The following SLK variants were observed in gnomAD, a reference collection of about 807,000 sequenced individuals.
The protein encoded by SLK is STE20-like serine/threonine-protein kinase.
Under a neutral mutation model 147.7 loss-of-function variants are expected in SLK, and 67 were observed. The ratio of observed to expected loss-of-function variants is 0.45; its 90% CI spans 0.37 to 0.56. SLK has a LOEUF of 0.56. Among genes scored for constraint, SLK ranks in the 20% least tolerant of loss-of-function variants. SLK has a pLI of 0.00. For synonymous variants in SLK, 441 were observed against 475.0 expected, an observed-to-expected ratio of 0.93 and a Z score of 0.93; for missense variants, 1,136 against 1,438.8, an observed-to-expected ratio of 0.79 and a Z score of 3.41.
chr10:104,009,556 G>C (rs921092106), intron 12 of SLK, among the ~76,000 whole-genome samples: 1 of 152,000 alleles, frequency 6.6e-6, no homozygotes, highest in Non-Finnish European at 1.5e-5. Context: ...TAGAATTGCT[G>C]TATATACTGT....
Position 104,025,558 on chromosome 10 carries a change from T to C in SLK, c.3562-16T>C, listed in dbSNP as rs1331281977. ...ATACCAGCACATAGCAATTTCTTTT[T>C]CCCTTTCTTTTTAAGACACTGGAAG... On this transcript the variant is annotated splice_polypyrimidine_tract_variant and intron_variant, in intron 18 of 18. Coordinates refer to ENST00000369755, the MANE Select transcript of SLK (RefSeq NM_014720.4). 1.9e-6 allele frequency: 3 copies of C among 1,612,068 alleles called. No homozygotes were observed. The highest frequency in any genetic ancestry group is 1.3e-5 in the African/African-American group (1 of 74,790).
At chr10:103,976,872 A>G (rs761399332) in intron 1 of SLK, among the ~76,000 whole-genome samples, 3 of 152,200 alleles carry the variant, frequency 2.0e-5, no homozygotes, top group Admixed American at 6.5e-5. Flanking sequence ...CTTAATATGT[A>G]TGGCTTTTTG....
chr10:103,990,385 G>C (rs1232951158), intron 1 of SLK, among the ~76,000 whole-genome samples: 4 of 152,270 alleles, frequency 2.6e-5, no homozygotes, highest in Admixed American at 1.3e-4. Flanking sequence ...TATCACTCTG[G>C]TGTGCAGTGT....
intron 17 of SLK, 22 bp downstream of exon 17, chr10:104,020,635 G>A (rs780196121): frequency 6.2e-7 from 1 of 1,604,666 alleles, no homozygotes. Context: ...AAGCCTGACA[G>A]CAAAGCCCAT....
chr10:103,996,786 G>C (rs1844181235), intron 4 of SLK, among the ~76,000 whole-genome samples: 2 of 152,096 alleles, frequency 1.3e-5, no homozygotes, highest in Admixed American at 1.3e-4. Context: ...CTGAGCATTT[G>C]TTTGTTCCCT....
chr10:103,987,382 C>T (rs936318357), intron 1 of SLK, among the ~76,000 whole-genome samples: 10 of 152,000 alleles, frequency 6.6e-5, no homozygotes, highest in East Asian at 1.9e-4. Flanking sequence ...TTAGTGGCTG[C>T]GTCATTTTTC....
Position 103,999,289 on chromosome 10 carries a change from C to G in SLK, c.758C>G (p.Pro253Arg). Residue 253 changes from proline (P) to arginine (R), a missense_variant, in exon 6 of 19, where the codon CCT (proline) becomes CGT (arginine). Around this residue, in one of 6 missense-constraint regions of SLK, gnomAD observed 141 missense variants for 219.3 expected, o/e 0.64. Transcript: ENST00000369755. ...CTAAAAATAGCAAAATCTGAGCCACCTACATTAGCACAGCCATCCAGATGG... is the reference window on the plus strand; with the variant it reads ...CTAAAAATAGCAAAATCTGAGCCACGTACATTAGCACAGCCATCCAGATGG... ...VLLKIAKSEPPTLAQPSRWSS... is the reference protein window; with the variant it reads ...VLLKIAKSEPRTLAQPSRWSS... 1 of 1,611,924 alleles carries G rather than the reference C, an allele frequency of 6.2e-7. No homozygotes were observed. Among genetic ancestry groups the G allele is most frequent in the Non-Finnish European group, 8.5e-7 (1 of 1,179,180 alleles).
At position 103,967,640 on chromosome 10, in the gene SLK, C is replaced by A; in HGVS notation, c.-106C>A. On this transcript the variant is annotated 5_prime_UTR_variant, in exon 1 of 19. Coordinates refer to ENST00000369755, the MANE Select transcript of SLK (RefSeq NM_014720.4). ...GAGCTGCGGGGGCCGAGGGACGCCG[C>A]GCCCGCCGCCGCCAGCCGGGCTCGC... The A allele has an allele frequency of 3.9e-6, 4 of 1,026,594 alleles. No homozygotes were observed. The highest frequency in any genetic ancestry group is 5.2e-6 in the Non-Finnish European group (4 of 771,202). 63.6% of individuals were successfully genotyped at this position (1,026,594 alleles called of 1,614,324 possible). A position where few individuals can be genotyped will look rare whatever the true frequency, so the allele number is the denominator to read the frequency against.
intron 14 of SLK, 133 bp downstream of exon 14, chr10:104,018,422 G>A (rs1844492343): frequency 1.2e-6 from 1 of 826,794 alleles, no homozygotes; most frequent in Non-Finnish European, 1.9e-6. Flanking sequence ...ATAATTTTGT[G>A]TACTCATTAT....
intron 1 of SLK, among the ~76,000 whole-genome samples, chr10:103,970,200 T>C (rs1843774279): frequency 6.6e-6 from 1 of 152,210 alleles, no homozygotes; most frequent in Non-Finnish European, 1.5e-5. Context: ...TTAGAGCTCA[T>C]AGATGCAAAC....
chr10:104,018,900 C>A lies in SLK; in HGVS notation c.3124C>A (p.His1042Asn). 1.3e-6 allele frequency: 2 copies of A among 1,583,726 alleles called. No individual in the cohort carries two copies. Among genetic ancestry groups the A allele is most frequent in the South Asian group, 1.2e-5 (1 of 85,166 alleles). Reference protein sequence around the residue: ...FMQRHQLLKRHEKETEQMQRY... With the variant: ...FMQRHQLLKRNEKETEQMQRY... The stretch of plus-strand genomic sequence containing the variant: ...GCAAAGACATCAGCTACTTAAGCGC[C>A]ACGAGAAGGTTAATGAAAGGAAAAT... Residue 1042 changes from histidine to asparagine, a missense_variant, in exon 15 of 19, where the codon CAC becomes AAC. By Grantham distance (68) the His-to-Asn change is moderately conservative (BLOSUM62 1). Around this residue, in one of 6 missense-constraint regions of SLK, gnomAD observed 327 missense variants for 457.5 expected, o/e 0.71. Transcript: ENST00000369755.
chr10:103,984,701 A>T (rs1843990290), intron 1 of SLK, among the ~76,000 whole-genome samples: 1 of 152,216 alleles, frequency 6.6e-6, no homozygotes, highest in African/African-American at 2.4e-5. Flanking sequence ...GGCATGAGCC[A>T]CCGCGCTCAG....
intron 7 of SLK, 23 bp from the exon 8 acceptor site, chr10:104,001,421 A>G (rs1286176007): frequency 6.2e-7 from 1 of 1,600,234 alleles, no homozygotes; most frequent in African/African-American, 1.3e-5. Context: ...GTTGTTGAGT[A>G]TGTTCTTTTT....
chr10:103,971,339 A>T (rs1224737013), intron 1 of SLK, among the ~76,000 whole-genome samples: 1 of 152,046 alleles, frequency 6.6e-6, no homozygotes, highest in Non-Finnish European at 1.5e-5. Flanking sequence ...CTGTGGCGCA[A>T]TCTCGGCTCA....
intron 3 of SLK, 151 bp from the exon 4 acceptor site, chr10:103,992,833 A>C (rs1459719115): frequency 3.1e-6 from 1 of 325,020 alleles, no homozygotes; most frequent in African/African-American, 2.6e-5. Context: ...TGAGTGTGTC[A>C]AGAATGTGAT....
intron 4 of SLK, among the ~76,000 whole-genome samples, chr10:103,995,451 A>G (rs1223013286): frequency 8.8e-6 from 1 of 113,396 alleles, no homozygotes; most frequent in African/African-American, 3.5e-5. Context: ...TTTTTGAGTC[A>G]AAGTCTTGCT....
At chr10:104,015,757 TACTGTTTTAGTGGC>T (rs1314913427) in intron 13 of SLK, among the ~76,000 whole-genome samples, 1 of 152,220 alleles carries the variant, frequency 6.6e-6, no homozygotes, top group African/African-American at 2.4e-5. Context: ...AAATTACATT[TACTGTTTTAGTGGC>T]ACTGGCTTAT....
chr10:104,000,450 A>G (rs1844230452), intron 7 of SLK, among the ~76,000 whole-genome samples: 1 of 152,226 alleles, frequency 6.6e-6, no homozygotes, highest in Non-Finnish European at 1.5e-5. Flanking sequence ...ATGTAACTCC[A>G]TCATAGTGTT....
chr10:104,003,121 C>G lies in SLK; in HGVS notation c.1943C>G (p.Thr648Ser), dbSNP rs544458791. ...GAAGAAATCACTGAGTCAAGTAGCA[C>G]TGAAGAAATGGAGGTCAGAAGTGTG... ...EGEEITESSS[T>S]EEMEVRSVVA... Residue 648 changes from threonine to serine, a missense_variant, in exon 9 of 19, where the codon ACT becomes AGT. This residue lies in a region of SLK where 516 missense variants were observed against 531.3 expected (regional missense o/e 0.97). Coordinates refer to ENST00000369755, the MANE Select transcript of SLK (RefSeq NM_014720.4). The G allele has an allele frequency of 5.6e-6, 9 of 1,614,114 alleles. No homozygotes were observed. In the East Asian group the frequency reaches 2.0e-4, roughly 36 times the overall value.
Sources: gnomAD v4.1 joint callset for allele counts (sites outside exome capture counted in the v4.1 genomes callset) on GRCh38, gnomAD v4.1.1 for gene constraint, gnomAD v4.1.1 regional missense constraint, MANE v1.5 for transcripts, NCBI Gene and HGNC (gene_info 2026-07-23, HGNC 2026-07-21) for gene names.